The following SEMA6D variants were observed in gnomAD, a reference collection of about 807,000 sequenced individuals.
SEMA6D encodes semaphorin-6D.
In SEMA6D, 35 loss-of-function variants were observed where a neutral mutation model predicts 106.6. The observed-to-expected ratio is 0.33, with a 90% CI of 0.25 to 0.44. The LOEUF (loss-of-function observed/expected upper bound fraction) is 0.44, where lower values mean the gene tolerates loss of function less well. Among genes scored for constraint, SEMA6D ranks in the 20% least tolerant of loss-of-function variants. SEMA6D has a pLI of 1.00. For missense variants in SEMA6D, 1,185 were observed against 1,345.9 expected, an observed-to-expected ratio of 0.88 and a Z score of 1.87; for synonymous variants, 499 against 487.7, an observed-to-expected ratio of 1.02 and a Z score of -0.31.
intron 3 of SEMA6D, among the ~76,000 whole-genome samples, chr15:47,529,439 A>G (rs888425429): frequency 1.3e-5 from 2 of 152,168 alleles, no homozygotes; most frequent in Non-Finnish European, 1.5e-5. Flanking sequence ...ATTGGGCAAC[A>G]AGGCTTTAGC....
chr15:47,399,569 G>T (rs890499491), intron 1 of SEMA6D: 2 of 152,176 alleles, frequency 1.3e-5, no homozygotes, highest in Non-Finnish European at 2.9e-5. Flanking sequence ...TGCTTTTGGT[G>T]GCTTAAGAAT....
intron 1 of SEMA6D, among the ~76,000 whole-genome samples, chr15:47,229,516 T>G (rs1477813536): frequency 1.3e-5 from 2 of 152,022 alleles, no homozygotes; most frequent in African/African-American, 4.8e-5. Context: ...GTGCAGATAT[T>G]GGCTCAGTCT....
chr15:47,441,818 A>G (rs1289332834), intron 2 of SEMA6D, among the ~76,000 whole-genome samples: 1 of 152,056 alleles, frequency 6.6e-6, no homozygotes, highest in Non-Finnish European at 1.5e-5. Flanking sequence ...TAGATGGCTG[A>G]TTTCCACGTG....
chr15:47,757,514 G>A (rs192395101), intron 1 of SEMA6D, among the ~76,000 whole-genome samples: 49 of 152,294 alleles, frequency 3.2e-4, no homozygotes, highest in Admixed American at 7.2e-4. Flanking sequence ...AGGTAAACAC[G>A]AAACCATCTT....
At chr15:47,732,310 A>G (rs2080176756) in intron 1 of SEMA6D, among the ~76,000 whole-genome samples, 2 of 152,190 alleles carry the variant, frequency 1.3e-5, no homozygotes, top group East Asian at 1.9e-4. Flanking sequence ...GGTGTTTTCC[A>G]TGTTTCTTCT....
chr15:47,592,034 A>G (rs1221931032), intron 3 of SEMA6D, among the ~76,000 whole-genome samples: 1 of 152,190 alleles, frequency 6.6e-6, no homozygotes, highest in Non-Finnish European at 1.5e-5. Flanking sequence ...CTGGGGGAGC[A>G]GTTGTTTCCT....
Position 47,771,567 on chromosome 15 carries a change from C to T in SEMA6D, c.3004C>T (p.Pro1002Ser). The stretch of plus-strand genomic sequence containing the variant: ...TAGTATGAACCGTGGAGGATATATG[C>T]CCACCCCCACTGGGGCGAAGGTGGA... The part of the protein sequence containing the change: ...QPSMNRGGYM[P>S]TPTGAKVDYI... Residue 1002 changes from proline to serine, a missense_variant, in exon 19 of 19, where the codon CCC (proline) becomes TCC (serine). Pro to Ser is a moderately conservative substitution (Grantham distance 74). Transcript: ENST00000536845. The T allele has an allele frequency of 1.2e-6, 2 of 1,614,016 alleles. No homozygotes were observed. Among genetic ancestry groups the T allele is most frequent in the Non-Finnish European group, 8.5e-7 (1 of 1,179,962 alleles).
chr15:47,634,631 G>A (rs114212465), intron 4 of SEMA6D, among the ~76,000 whole-genome samples: 1,560 of 152,258 alleles, frequency 0.01, 30 homozygotes, highest in African/African-American at 0.036. Flanking sequence ...AATATCAACT[G>A]GGCTTATTCA....
intron 2 of SEMA6D, among the ~76,000 whole-genome samples, chr15:47,428,207 A>G (rs997934755): frequency 6.6e-6 from 1 of 152,162 alleles, no homozygotes; most frequent in Non-Finnish European, 1.5e-5. Context: ...TAAATCAACC[A>G]CTGAGAATTT....
intron 2 of SEMA6D, among the ~76,000 whole-genome samples, chr15:47,460,640 C>T (rs1472083377): frequency 1.3e-5 from 2 of 152,094 alleles, no homozygotes; most frequent in East Asian, 3.9e-4. Flanking sequence ...CTTTGTCTTC[C>T]AACCTTTTGT....
intron 4 of SEMA6D, among the ~76,000 whole-genome samples, chr15:47,681,272 G>A (rs758199309): frequency 5.3e-5 from 8 of 152,186 alleles, no homozygotes; most frequent in Non-Finnish European, 1.0e-4. Flanking sequence ...CAGCCTACAA[G>A]GAAGGAGATC....
chr15:47,239,233 C>T (rs2032752201), intron 1 of SEMA6D, among the ~76,000 whole-genome samples: 1 of 152,310 alleles, frequency 6.6e-6, no homozygotes, highest in South Asian at 2.1e-4. Flanking sequence ...CTGTCACTGT[C>T]TCCTGTCACC....
chr15:47,283,029 G>A (rs991007669), intron 1 of SEMA6D, among the ~76,000 whole-genome samples: 3 of 151,958 alleles, frequency 2.0e-5, no homozygotes, highest in Admixed American at 2.0e-4. Context: ...GCTTAACAGG[G>A]GCTAGCATTT....
chr15:47,683,359 C>T (rs1212255841), intron 4 of SEMA6D, among the ~76,000 whole-genome samples: 9 of 152,166 alleles, frequency 5.9e-5, no homozygotes, highest in African/African-American at 1.9e-4. Flanking sequence ...TGGCCTCCAG[C>T]TCCATCAGTG....
intron 1 of SEMA6D, among the ~76,000 whole-genome samples, chr15:47,376,902 T>G (rs1179003536): frequency 6.6e-6 from 1 of 152,302 alleles, no homozygotes; most frequent in East Asian, 1.9e-4. Context: ...GCATCTAGTG[T>G]TCTTCTACTG....
intron 3 of SEMA6D, among the ~76,000 whole-genome samples, chr15:47,475,165 G>T (rs1596093400): frequency 6.6e-6 from 1 of 152,074 alleles, no homozygotes; most frequent in African/African-American, 2.4e-5. Flanking sequence ...AATTTTTGCT[G>T]AAAAAAGAAA....
chr15:47,191,194 T>G (rs1323277514), intron 1 of SEMA6D, among the ~76,000 whole-genome samples: 1 of 151,788 alleles, frequency 6.6e-6, no homozygotes, highest in Non-Finnish European at 1.5e-5. Context: ...TATATATATA[T>G]ATACTTGATA....
At chr15:47,241,501 C>T (rs1157747472) in intron 1 of SEMA6D, 1 of 152,046 alleles carries the variant, frequency 6.6e-6, no homozygotes, top group South Asian at 2.1e-4. Flanking sequence ...GGTTTGTTCT[C>T]TATATCTCCT....
At chr15:47,245,235 T>G (rs559682249) in intron 1 of SEMA6D, among the ~76,000 whole-genome samples, 1 of 152,176 alleles carries the variant, frequency 6.6e-6, no homozygotes, top group Non-Finnish European at 1.5e-5. Context: ...GGTTTCTGGG[T>G]CAAATGGTAG....
Sources: allele counts gnomAD v4.1 joint callset (sites outside exome capture counted in the v4.1 genomes callset), GRCh38; gene constraint gnomAD v4.1.1; transcripts MANE v1.5; gene names NCBI Gene and HGNC (gene_info 2026-07-23, HGNC 2026-07-21).